Variants in MTA1 observed in about 807,000 individuals in gnomAD.
The protein encoded by MTA1 is metastasis associated 1.
Under a neutral mutation model 97.0 loss-of-function variants are expected in MTA1, and 15 were observed. That is an observed-to-expected ratio of 0.15 (90% CI 0.10 to 0.24). The LOEUF (loss-of-function observed/expected upper bound fraction) is 0.24, where lower values mean the gene tolerates loss of function less well. Ranked by LOEUF, MTA1 falls within the 10% of genes least tolerant of loss-of-function variation. MTA1 has a pLI of 1.00. For synonymous variants in MTA1, 435 were observed against 417.5 expected (o/e 1.04, Z -0.51); for missense variants, 709 against 1,015.1 (o/e 0.70, Z 4.10).
chr14:105,463,411 C>G lies in MTA1; in HGVS notation c.1018-82C>G. ...GCTGTCCTCTCCGTGGTGCTCTCCTCTCCGTAGCCTCCAGCCTGTCTGCAC... is the reference window on the plus strand; with the variant it reads ...GCTGTCCTCTCCGTGGTGCTCTCCTGTCCGTAGCCTCCAGCCTGTCTGCAC... On this transcript the variant is annotated intron_variant, in intron 11 of 20. Coordinates refer to ENST00000331320, the MANE Select transcript of MTA1 (RefSeq NM_004689.4). The surrounding 1 kb of genome is among the most constrained non-coding windows in gnomAD (Gnocchi z 5.9). 2 of 1,537,748 alleles carry G rather than the reference C, an allele frequency of 1.3e-6. No homozygotes were observed. The highest frequency in any genetic ancestry group is 1.8e-6 in the Non-Finnish European group (2 of 1,113,188).
rs1403407612 is a variant in MTA1, at chr14:105,420,852, G to C, written c.28+789G>C. ...GTCTTTCACAGGAAGGTGGGGGGTC[G>C]TGTGCATTCCATCATTCCATCAGCG... On this transcript the variant is annotated intron_variant, in intron 1 of 20. Coordinates refer to ENST00000331320, the MANE Select transcript of MTA1 (RefSeq NM_004689.4). This position sits in a 1 kb window ranked among gnomAD's most constrained non-coding sequence, Gnocchi z 5.3. 6.6e-6 allele frequency among the ~76,000 whole-genome samples: 1 copy of C among 152,236 alleles called. No homozygotes were observed. Among genetic ancestry groups the C allele is most frequent in the East Asian group, 1.9e-4 (1 of 5,164 alleles).
intron 1 of MTA1, among the ~76,000 whole-genome samples, chr14:105,437,930 CTCTG>C (rs2082383467): frequency 6.6e-6 from 1 of 152,234 alleles, no homozygotes; most frequent in Non-Finnish European, 1.5e-5. Context: ...TTCCGTGGCT[CTCTG>C]TCTGTGGAGC....
chr14:105,454,193 G>A lies in MTA1; in HGVS notation c.433G>A (p.Asp145Asn), dbSNP rs2083055763. The change falls in exon 7 of 21, where the codon GAT (aspartate) becomes AAT (asparagine). Residue 145 changes from aspartate (D) to asparagine (N), a missense_variant and splice_region_variant. Around this residue, in one of 2 missense-constraint regions of MTA1, gnomAD observed 321 missense variants for 593.5 expected, o/e 0.54. Coordinates refer to ENST00000331320, the MANE Select transcript of MTA1 (RefSeq NM_004689.4). ...ESLKSYLEREDFFFYSLVYDP... is the reference protein window; with the variant it reads ...ESLKSYLERENFFFYSLVYDP... Reference sequence around the variant, plus strand: ...CTCTGTCTCCTGTGGTGTTTTCCAGGATTTCTTCTTCTATTCTCTAGTCTA... The same window carrying A: ...CTCTGTCTCCTGTGGTGTTTTCCAGAATTTCTTCTTCTATTCTCTAGTCTA... 6.2e-7 allele frequency: 1 copy of A among 1,610,818 alleles called. No homozygotes were observed. The highest frequency in any genetic ancestry group is 8.5e-7 in the Non-Finnish European group (1 of 1,177,478).
intron 2 of MTA1, among the ~76,000 whole-genome samples, chr14:105,445,159 G>A (rs1243376328): frequency 6.6e-6 from 1 of 152,208 alleles, no homozygotes; most frequent in Non-Finnish European, 1.5e-5. Context: ...TGGTACACTG[G>A]GGTCTGGAAG....
chr14:105,422,540 G>A lies in MTA1; in HGVS notation c.28+2477G>A, dbSNP rs1273058021. Among the ~76,000 whole-genome samples the A allele has an allele frequency of 6.6e-6, 1 of 152,166 alleles. No individual in the cohort carries two copies. The highest frequency in any genetic ancestry group is 1.9e-4 in the East Asian group (1 of 5,194). ...CACCCCAGGGACCTTGTGTGTAGAG[G>A]CACCAAATTTAGTTAAGAAAAGTAC... On this transcript the variant is annotated intron_variant, in intron 1 of 20. Coordinates refer to ENST00000331320, the MANE Select transcript of MTA1 (RefSeq NM_004689.4). The surrounding 1 kb of genome is among the most constrained non-coding windows in gnomAD (Gnocchi z 4.3).
chr14:105,425,290 T>C (rs1238637457), intron 1 of MTA1, among the ~76,000 whole-genome samples: 1 of 151,936 alleles, frequency 6.6e-6, no homozygotes, highest in Non-Finnish European at 1.5e-5. Context: ...TGTAATTATG[T>C]TTTTTTTGAG....
At chr14:105,430,923 GCTGCTTTGAGCTAC>G (rs1555423202) in intron 1 of MTA1, among the ~76,000 whole-genome samples, 1 of 152,198 alleles carries the variant, frequency 6.6e-6, no homozygotes. Context: ...TTATTATGTG[GCTGCTTTGAGCTAC>G]CGTGGTGGGG....
intron 1 of MTA1, among the ~76,000 whole-genome samples, chr14:105,432,554 C>T (rs909370756): frequency 2.0e-5 from 3 of 152,154 alleles, no homozygotes; most frequent in Non-Finnish European, 2.9e-5. Flanking sequence ...TTTGAAAAAG[C>T]GCCGAAATTG....
chr14:105,441,904 C>A (rs2141505763), intron 2 of MTA1, among the ~76,000 whole-genome samples: 1 of 152,316 alleles, frequency 6.6e-6, no homozygotes, highest in African/African-American at 2.4e-5. Context: ...TGGATGGGAT[C>A]CATCCTGGGA....
chr14:105,462,769 A>C (rs1555431324), intron 10 of MTA1, among the ~76,000 whole-genome samples: 1 of 151,984 alleles, frequency 6.6e-6, no homozygotes, highest in Non-Finnish European at 1.5e-5. Context: ...CTCAGGAGAC[A>C]GAGGCAGGAG....
rs1555431433 is a variant in MTA1 at position 105,463,156 on chromosome 14, C to T, written c.943-28C>T. On this transcript the variant is annotated intron_variant, in intron 10 of 20. Transcript: ENST00000331320. This position sits in a 1 kb window ranked among gnomAD's most constrained non-coding sequence, Gnocchi z 5.9. Reference sequence around the variant, plus strand: ...TGTGCCTGCCTCCTGCCCCTTCCTGCTTGTGTGACACGCCTCCTCCCACCC... The same window carrying T: ...TGTGCCTGCCTCCTGCCCCTTCCTGTTTGTGTGACACGCCTCCTCCCACCC... 6.2e-7 allele frequency: 1 copy of T among 1,607,866 alleles called. No individual in the cohort carries two copies. Among genetic ancestry groups the T allele is most frequent in the Non-Finnish European group, 8.5e-7 (1 of 1,177,764 alleles).
intron 1 of MTA1, among the ~76,000 whole-genome samples, chr14:105,433,128 A>G (rs2082228149): frequency 6.6e-6 from 1 of 152,160 alleles, no homozygotes; most frequent in Non-Finnish European, 1.5e-5. Context: ...CAAATCAGCA[A>G]AGGGAAGCGG....
chr14:105,463,336 G>A lies in MTA1; in HGVS notation c.1017+78G>A, dbSNP rs906911629. On this transcript the variant is annotated intron_variant, in intron 11 of 20. Coordinates refer to ENST00000331320, the MANE Select transcript of MTA1 (RefSeq NM_004689.4). The surrounding 1 kb of genome is among the most constrained non-coding windows in gnomAD (Gnocchi z 5.9). ...CCCCATCCTCTCCCAGCAGGTGGGC[G>A]TGCACTGCTGCAGCAGGAGGGGAAG... 94 of 1,538,774 alleles carry A rather than the reference G, an allele frequency of 6.1e-5. No homozygotes were observed. Among genetic ancestry groups the A allele is most frequent in the East Asian group, 3.8e-4 (17 of 44,448 alleles).
intron 2 of MTA1, among the ~76,000 whole-genome samples, chr14:105,444,184 T>G (rs948738554): frequency 2.6e-5 from 4 of 151,808 alleles, no homozygotes; most frequent in Non-Finnish European, 5.9e-5. Context: ...CCATCCTGGC[T>G]AACACGGTGA....
At chr14:105,438,772 G>C in intron 2 of MTA1, 33 bp downstream of exon 2, 1 of 1,605,868 alleles carries the variant, frequency 6.2e-7, no homozygotes, top group Non-Finnish European at 8.5e-7. Flanking sequence ...CTGCAGGGGG[G>C]TAGTGGGTGG....
rs869240296 is a variant in MTA1 at position 105,451,783 on chromosome 14, G to GTTTT, written c.432+1480_432+1483dup. Among the ~76,000 whole-genome samples the GTTTT allele has an allele frequency of 5.4e-3, 169 of 31,388 alleles. 1 individual carries two copies. The highest frequency in any genetic ancestry group is 9.7e-3 in the African/African-American group (140 of 14,434). 20.6% of individuals were successfully genotyped at this position (31,388 alleles called of 152,430 possible). On this transcript the variant is annotated intron_variant, in intron 6 of 20. Transcript: ENST00000331320. Reference sequence around the variant, plus strand: ...CCCCCCTTTTTCTTTTTCTTTTTTTGTTTTTTTTTTTTTTTTTTTTTTTTG... The same window carrying GTTTT: ...CCCCCCTTTTTCTTTTTCTTTTTTTGTTTTTTTTTTTTTTTTTTTTTTTTTTTTG...
chr14:105,466,476 G>T lies in MTA1; in HGVS notation c.1675G>T (p.Val559Leu). 1.3e-6 allele frequency: 2 copies of T among 1,563,666 alleles called. No homozygotes were observed. The highest frequency in any genetic ancestry group is 1.4e-5 in the African/African-American group (1 of 69,570). ...KPDPVKSVSS[V>L]LSSLTPAKVA... ...TGACCCCGTGAAAAGCGTGTCCAGC[G>T]TGCTCAGCAGCCTGACGCCCGCCAA... is the stretch of plus-strand genomic sequence containing the variant. The change falls in exon 17 of 21, where the codon GTG (valine) becomes TTG (leucine). Residue 559 changes from valine to leucine, a missense_variant. Physicochemically the swap from Val to Leu is conservative, Grantham distance 32. This residue lies in a region of MTA1 where 388 missense variants were observed against 421.6 expected (regional missense o/e 0.92). Transcript: ENST00000331320.
intron 2 of MTA1, among the ~76,000 whole-genome samples, chr14:105,442,102 G>A (rs73362829): frequency 7.1e-4 from 108 of 152,312 alleles, no homozygotes; most frequent in African/African-American, 1.7e-3. Context: ...GAGAAGGAGC[G>A]AGCAAAGCAA....
At chr14:105,440,674 T>C (rs1339663658) in intron 2 of MTA1, among the ~76,000 whole-genome samples, 1 of 152,246 alleles carries the variant, frequency 6.6e-6, no homozygotes, top group Non-Finnish European at 1.5e-5. Context: ...CCACATGGCG[T>C]GGGCACTTGC....
Sources: allele counts gnomAD v4.1 joint callset (sites outside exome capture counted in the v4.1 genomes callset), GRCh38; gene constraint gnomAD v4.1.1; regional missense constraint gnomAD v4.1.1; non-coding constraint Gnocchi (gnomAD v3.1); transcripts MANE v1.5; gene names NCBI Gene and HGNC (gene_info 2026-07-23, HGNC 2026-07-21).